The following SHB variants were observed in gnomAD, a reference collection of about 807,000 sequenced individuals.
SHB encodes the protein SH2 domain-containing adapter protein B.
Under a neutral mutation model 52.3 loss-of-function variants are expected in SHB, and 20 were observed. The ratio of observed to expected loss-of-function variants is 0.38; its 90% CI spans 0.27 to 0.56. The LOEUF (loss-of-function observed/expected upper bound fraction) is 0.56, where lower values mean the gene tolerates loss of function less well. Ranked by LOEUF, SHB falls within the 20% of genes least tolerant of loss-of-function variation. The pLI, the probability that SHB is intolerant of heterozygous loss-of-function variation, is 0.71. For missense variants in SHB, 825 were observed against 723.3 expected, an observed-to-expected ratio of 1.14 and a Z score of -1.61; for synonymous variants, 397 against 316.5, an observed-to-expected ratio of 1.25 and a Z score of -2.70.
intron 2 of SHB, among the ~76,000 whole-genome samples, chr9:37,984,769 A>G (rs1410937076): frequency 6.6e-6 from 1 of 152,210 alleles, no homozygotes; most frequent in African/African-American, 2.4e-5. Flanking sequence ...CCACATCAAA[A>G]GGGAGGTGAC....
chr9:37,992,821 C>G (rs1251616336), intron 2 of SHB, among the ~76,000 whole-genome samples: 1 of 152,132 alleles, frequency 6.6e-6, no homozygotes, highest in African/African-American at 2.4e-5. Flanking sequence ...CTACAGGTAT[C>G]AGAGATAGAA....
chr9:37,957,073 A>G (rs137930729), intron 3 of SHB, among the ~76,000 whole-genome samples: 1 of 152,312 alleles, frequency 6.6e-6, no homozygotes, highest in East Asian at 1.9e-4. Context: ...AACCTCTTTG[A>G]GTCCCCAGGC....
At chr9:37,930,530 G>A (rs1217478355) in intron 5 of SHB, among the ~76,000 whole-genome samples, 1 of 152,168 alleles carries the variant, frequency 6.6e-6, no homozygotes, top group African/African-American at 2.4e-5. Flanking sequence ...CTAAAGCACA[G>A]TGCTCACCCT....
intron 2 of SHB, among the ~76,000 whole-genome samples, chr9:38,006,020 A>G (rs1372607739): frequency 1.3e-5 from 2 of 151,202 alleles, no homozygotes; most frequent in African/African-American, 4.9e-5. Context: ...AAAGGTGACC[A>G]CATCTCAACT....
At chr9:38,020,308 G>T (rs1417784790) in intron 1 of SHB, among the ~76,000 whole-genome samples, 1 of 152,236 alleles carries the variant, frequency 6.6e-6, no homozygotes, top group Non-Finnish European at 1.5e-5. Context: ...TGGAACGCTT[G>T]TTAAGGAAAC....
chr9:37,965,644 C>T (rs7857446), intron 3 of SHB, among the ~76,000 whole-genome samples: 87,508 of 150,354 alleles, frequency 0.58, 25,699 homozygotes, highest in East Asian at 0.82. Context: ...GGCACGATTT[C>T]GGCTGACTAC....
chr9:37,987,799 G>A (rs1024551574), intron 2 of SHB, among the ~76,000 whole-genome samples: 13 of 152,182 alleles, frequency 8.5e-5, no homozygotes, highest in African/African-American at 2.4e-4. Context: ...TTCTAGATGC[G>A]TCAGAGGGGC....
In SHB at chr9:37,941,607, G is replaced by A. The variant is rs551439573; in HGVS notation, c.1346+7028C>T. ...AGGCAAGCAGTACTGTACCTGAGCT[G>A]CACACACCTGCCTTCCCTGAAGTTT... is the stretch of plus-strand genomic sequence containing the variant. On this transcript the variant is annotated intron_variant, in intron 5 of 5. Transcript: ENST00000377707. Among the ~76,000 whole-genome samples, 9 of 152,320 alleles carry A rather than the reference G, an allele frequency of 5.9e-5. No individual in the cohort carries two copies. In the South Asian group the frequency reaches 1.2e-3, roughly 21 times the overall value.
Position 37,982,977 on chromosome 9 carries a change from C to CCCA in SHB, c.839-8141_839-8140insTGG, listed in dbSNP as rs547038334. ...AAATCAGCAGGCCTCTCTGGTGCCC[C>CCCA]CCCCTCCATCTTTTCCAGCTGTGCT... On this transcript the variant is annotated intron_variant, in intron 2 of 5. Transcript: ENST00000377707. Among the ~76,000 whole-genome samples the CCCA allele has an allele frequency of 2.7e-5, 4 of 145,820 alleles. No homozygotes were observed. In the East Asian group the frequency reaches 8.1e-4, roughly 30 times the overall value.
At chr9:37,985,134 T>C (rs1025120241) in intron 2 of SHB, among the ~76,000 whole-genome samples, 17 of 152,320 alleles carry the variant, frequency 1.1e-4, no homozygotes, top group African/African-American at 3.8e-4. Flanking sequence ...AGCAGGGCTG[T>C]GGGACAACAA....
chr9:38,016,900 C>T (rs562308681), intron 1 of SHB, among the ~76,000 whole-genome samples: 123 of 152,310 alleles, frequency 8.1e-4, no homozygotes, highest in African/African-American at 2.8e-3. Context: ...ACAGCCCCTG[C>T]CTCTTCTCCC....
chr9:38,001,107 C>T lies in SHB; in HGVS notation c.838+14904G>A, dbSNP rs190299518. On this transcript the variant is annotated intron_variant, in intron 2 of 5. Transcript: ENST00000377707. ...TCAGGGAAAAGTTAATTCTTTTTTTCGGTTTCAGAGACCAAGTCAACTCAG... is the reference window on the plus strand; with the variant it reads ...TCAGGGAAAAGTTAATTCTTTTTTTTGGTTTCAGAGACCAAGTCAACTCAG... Among the ~76,000 whole-genome samples the T allele has an allele frequency of 4.1e-3, 621 of 152,106 alleles. 2 individuals carry two copies. Among genetic ancestry groups the T allele is most frequent in the African/African-American group, 0.014 (594 of 41,522 alleles).
intron 1 of SHB, among the ~76,000 whole-genome samples, chr9:38,042,769 T>C (rs967894809): frequency 1.9e-4 from 29 of 152,302 alleles, no homozygotes; most frequent in African/African-American, 7.0e-4. Context: ...TGGGGCGACC[T>C]GGCCCAGCCT....
intron 5 of SHB, among the ~76,000 whole-genome samples, chr9:37,932,174 C>T (rs1271612129): frequency 1.4e-5 from 2 of 146,658 alleles, no homozygotes; most frequent in Admixed American, 7.0e-5. Context: ...CCCAGATACT[C>T]GGGAGGCTGA....
At chr9:37,951,776 G>A (rs1832568988) in intron 4 of SHB, among the ~76,000 whole-genome samples, 2 of 152,250 alleles carry the variant, frequency 1.3e-5, no homozygotes, top group Non-Finnish European at 2.9e-5. Flanking sequence ...AAGGGCAGGG[G>A]ACAAGGGGCT....
intron 5 of SHB, among the ~76,000 whole-genome samples, chr9:37,934,469 AT>A (rs113806134): frequency 5.1e-4 from 74 of 146,114 alleles, no homozygotes; most frequent in South Asian, 8.7e-4. Flanking sequence ...CAGCTAATTA[AT>A]TTTTTTTTTT....
rs199845477 is a variant in SHB, at chr9:37,981,454, AG to A, written c.839-6618del. 7.2e-3 allele frequency among the ~76,000 whole-genome samples: 1,094 copies of A among 152,310 alleles called. 11 individuals carry two copies. Among genetic ancestry groups the A allele is most frequent in the African/African-American group, 0.025 (1,042 of 41,558 alleles). On this transcript the variant is annotated intron_variant, in intron 2 of 5. Transcript: ENST00000377707. ...TTGCTCCAGATTAGGCTTTGATTTA[AG>A]GGAATTTGTGGCTGGTTTGAGCTTC...
At chr9:38,046,737 T>C (rs992738259) in intron 1 of SHB, among the ~76,000 whole-genome samples, 1 of 152,224 alleles carries the variant, frequency 6.6e-6, no homozygotes, top group African/African-American at 2.4e-5. Flanking sequence ...TTGCACAACT[T>C]GGTTTCTTGT....
intron 5 of SHB, among the ~76,000 whole-genome samples, chr9:37,924,480 CAGG>C (rs1832222162): frequency 1.3e-5 from 2 of 152,234 alleles, no homozygotes; most frequent in Admixed American, 1.3e-4. Context: ...AATATTTATG[CAGG>C]AGAAGGATGG....
Sources: gnomAD v4.1 joint callset for allele counts (sites outside exome capture counted in the v4.1 genomes callset) on GRCh38, gnomAD v4.1.1 for gene constraint, MANE v1.5 for transcripts, NCBI Gene and HGNC (gene_info 2026-07-23, HGNC 2026-07-21) for gene names.